The following MAN1A1 variants were observed in gnomAD, a reference collection of about 807,000 sequenced individuals.
MAN1A1 encodes mannosyl-oligosaccharide 1,2-alpha-mannosidase IA.
Under a neutral mutation model 70.8 loss-of-function variants are expected in MAN1A1, and 29 were observed. The ratio of observed to expected loss-of-function variants is 0.41; its 90% confidence interval spans 0.31 to 0.56. MAN1A1 has a LOEUF of 0.56. Ranked by LOEUF, MAN1A1 falls within the 20% of genes least tolerant of loss-of-function variation. MAN1A1 has a pLI of 0.29. For synonymous variants in MAN1A1, 349 were observed against 330.1 expected (o/e 1.06, Z -0.62); for missense variants, 747 against 841.3 (o/e 0.89, Z 1.39).
At chr6:119,183,852 G>C (rs754970696) in intron 11 of MAN1A1, among the ~76,000 whole-genome samples, 2 of 152,086 alleles carry the variant, frequency 1.3e-5, no homozygotes, top group Non-Finnish European at 2.9e-5. Flanking sequence ...AGTGGCCCCA[G>C]AGGTTCCATG....
chr6:119,231,806 A>G (rs767611111), intron 6 of MAN1A1, among the ~76,000 whole-genome samples: 5 of 152,220 alleles, frequency 3.3e-5, no homozygotes. Context: ...AGATGGCATA[A>G]AGGAAGGAGA....
chr6:119,223,037 A>T (rs1774407723), intron 6 of MAN1A1, among the ~76,000 whole-genome samples: 1 of 152,132 alleles, frequency 6.6e-6, no homozygotes, highest in Non-Finnish European at 1.5e-5. Flanking sequence ...TTATATCTCA[A>T]AGTGGTTTAA....
chr6:119,283,983 G>C (rs1776288665), intron 5 of MAN1A1, among the ~76,000 whole-genome samples: 1 of 152,072 alleles, frequency 6.6e-6, no homozygotes, highest in African/African-American at 2.4e-5. Context: ...TTCTCCCTGT[G>C]TACTGGCCTG....
chr6:119,284,127 G>T (rs1408945671), intron 5 of MAN1A1, among the ~76,000 whole-genome samples: 1 of 152,108 alleles, frequency 6.6e-6, no homozygotes, highest in Admixed American at 6.6e-5. Context: ...GGGATTGGGG[G>T]CTATTTTATC....
Position 119,261,064 on chromosome 6 carries a change from C to T in MAN1A1, c.898-12710G>A, listed in dbSNP as rs372545064. On this transcript the variant is annotated intron_variant, in intron 5 of 12. Transcript: ENST00000368468. ...TGCGATCTCGGCTCACTGCAAGCTC[C>T]GCCTCCCAGGTTCATGCCATTCTTC... Among the ~76,000 whole-genome samples, 43 of 148,360 alleles carry T rather than the reference C, an allele frequency of 2.9e-4. No homozygotes were observed. The South Asian group carries it at 6.2e-3, about 21-fold the overall frequency.
intron 6 of MAN1A1, among the ~76,000 whole-genome samples, chr6:119,224,577 G>A (rs1562199650): frequency 6.6e-6 from 1 of 152,102 alleles, no homozygotes; most frequent in East Asian, 1.9e-4. Flanking sequence ...TCAGAAGAAC[G>A]TAATATATCA....
intron 2 of MAN1A1, chr6:119,327,391 GT>G (rs1230223370): frequency 8.5e-3 from 551 of 64,916 alleles, no homozygotes; most frequent in Non-Finnish European, 0.016. Flanking sequence ...TTTTTTTTTT[GT>G]TTTTTTTTTT....
intron 2 of MAN1A1, among the ~76,000 whole-genome samples, chr6:119,319,747 C>T (rs1421215311): frequency 3.3e-5 from 5 of 152,180 alleles, no homozygotes; most frequent in African/African-American, 1.2e-4. Flanking sequence ...TTGCTTCTTG[C>T]TGAAACTGAC....
intron 2 of MAN1A1, among the ~76,000 whole-genome samples, chr6:119,337,296 A>G (rs1403942956): frequency 6.6e-6 from 1 of 152,206 alleles, no homozygotes; most frequent in Admixed American, 6.5e-5. Context: ...AAAGACTTGT[A>G]GCCCATGAGT....
chr6:119,179,995 T>A, intron 12 of MAN1A1, 50 bp from the exon 13 acceptor site: 1 of 1,592,912 alleles, frequency 6.3e-7, no homozygotes, highest in East Asian at 2.2e-5. Flanking sequence ...AGGCAGGCAG[T>A]GAAACCACAA....
chr6:119,265,102 AT>A (rs5879494), intron 5 of MAN1A1, among the ~76,000 whole-genome samples: 60,697 of 141,428 alleles, frequency 0.43, 12,908 homozygotes, highest in East Asian at 0.67. Flanking sequence ...CCTTTTTTAA[AT>A]TTTTTTTTTT....
intron 6 of MAN1A1, among the ~76,000 whole-genome samples, chr6:119,229,493 C>A (rs566343376): frequency 6.6e-6 from 1 of 152,054 alleles, no homozygotes; most frequent in African/African-American, 2.4e-5. Context: ...CTGGGTAATG[C>A]AATTTGGGAA....
At chr6:119,328,759 G>A (rs191853889) in intron 2 of MAN1A1, among the ~76,000 whole-genome samples, 108 of 152,318 alleles carry the variant, frequency 7.1e-4, no homozygotes, top group African/African-American at 1.9e-3. Context: ...ATCACATAAT[G>A]AAGCAGCAAT....
chr6:119,225,457 G>A lies in MAN1A1; in HGVS notation c.993-20575C>T, dbSNP rs182083889. 4.1e-3 allele frequency among the ~76,000 whole-genome samples: 624 copies of A among 152,098 alleles called. 2 individuals carry two copies. The highest frequency in any genetic ancestry group is 7.2e-3 in the Non-Finnish European group (492 of 67,990). ...AGAAGGAAGAGGAGGAGGAGAAAGG[G>A]TAGAAAAAATATCTGAAGAGGTACT... On this transcript the variant is annotated intron_variant, in intron 6 of 12. Transcript: ENST00000368468.
chr6:119,230,209 A>C (rs921446464), intron 6 of MAN1A1, among the ~76,000 whole-genome samples: 3 of 152,226 alleles, frequency 2.0e-5, no homozygotes, highest in Non-Finnish European at 4.4e-5. Context: ...GAGGTAAAAC[A>C]TGACAATCTA....
intron 5 of MAN1A1, among the ~76,000 whole-genome samples, chr6:119,287,627 T>G (rs1426971561): frequency 1.3e-5 from 2 of 152,030 alleles, no homozygotes; most frequent in Non-Finnish European, 2.9e-5. Context: ...CTTCTTTTTT[T>G]GTGCATTCTG....
chr6:119,344,421 T>C (rs1241569874), intron 2 of MAN1A1, among the ~76,000 whole-genome samples: 1 of 152,196 alleles, frequency 6.6e-6, no homozygotes, highest in Non-Finnish European at 1.5e-5. Context: ...AACCTACTTG[T>C]TAAGGAGAGA....
chr6:119,308,348 C>G (rs1358956093), intron 2 of MAN1A1, among the ~76,000 whole-genome samples: 1 of 152,090 alleles, frequency 6.6e-6, no homozygotes, highest in Non-Finnish European at 1.5e-5. Context: ...TTTCAACAAT[C>G]AAAAGAATGT....
At position 119,348,410 on chromosome 6, in the gene MAN1A1, T is replaced by A; in HGVS notation, c.603+53A>T. 3 of 1,476,772 alleles carry A rather than the reference T, an allele frequency of 2.0e-6. No individual in the cohort carries two copies. The South Asian group carries it at 3.8e-5, about 19-fold the overall frequency. The allele number at this position is 1,476,772 out of a possible 1,614,324, so 91.5% of individuals were successfully genotyped here. A position where few individuals can be genotyped will look rare whatever the true frequency, so the allele number is the denominator to read the frequency against. The stretch of plus-strand genomic sequence containing the variant: ...TTCAGAGTTTCAAAGGCTTGCCGTT[T>A]CTCCCTGAAAAACACGGCCGGTCGG... On this transcript the variant is annotated intron_variant, in intron 2 of 12. Coordinates refer to ENST00000368468, the MANE Select transcript of MAN1A1 (RefSeq NM_005907.4).
Sources: allele counts gnomAD v4.1 joint callset (sites outside exome capture counted in the v4.1 genomes callset), GRCh38; gene constraint gnomAD v4.1.1; transcripts MANE v1.5; gene names NCBI Gene and HGNC (gene_info 2026-07-23, HGNC 2026-07-21).